LRRC4C: variants seen among roughly 807,000 people sequenced by gnomAD.
The protein encoded by LRRC4C is leucine rich repeat containing 4C.
Under a neutral mutation model 33.6 loss-of-function variants are expected in LRRC4C, and 5 were observed. The ratio of observed to expected loss-of-function variants is 0.15; its 90% CI spans 0.08 to 0.31. LRRC4C has a LOEUF of 0.31. Ranked by LOEUF, LRRC4C falls within the 10% of genes least tolerant of loss-of-function variation. The pLI is 1.00. For synonymous variants in LRRC4C, 329 were observed against 302.0 expected (o/e 1.09, Z -0.93); for missense variants, 560 against 796.7 (o/e 0.70, Z 3.58).
intron 2 of LRRC4C, among the ~76,000 whole-genome samples, chr11:40,825,961 A>G (rs1952151701): frequency 6.9e-6 from 1 of 144,978 alleles, no homozygotes; most frequent in Non-Finnish European, 1.5e-5. Context: ...CGTCTCACAT[A>G]TATTCAATGA....
intron 3 of LRRC4C, among the ~76,000 whole-genome samples, chr11:40,381,911 C>T (rs1193172787): frequency 1.4e-5 from 2 of 146,340 alleles, no homozygotes; most frequent in Admixed American, 6.9e-5. Context: ...TAAAAGAGGA[C>T]TTCAAATAAA....
At chr11:40,494,336 G>A (rs1370208430) in intron 3 of LRRC4C, among the ~76,000 whole-genome samples, 2 of 152,042 alleles carry the variant, frequency 1.3e-5, no homozygotes, top group South Asian at 4.1e-4. Context: ...CAAAGTTCAT[G>A]TTTGCCTTTT....
chr11:40,456,670 C>T (rs1429747736), intron 3 of LRRC4C, among the ~76,000 whole-genome samples: 1 of 151,950 alleles, frequency 6.6e-6, no homozygotes, highest in African/African-American at 2.4e-5. Flanking sequence ...AAATTCTCTC[C>T]AGTGTCCAAT....
chr11:41,455,646 G>A (rs1956151206), intron 1 of LRRC4C, among the ~76,000 whole-genome samples: 1 of 152,112 alleles, frequency 6.6e-6, no homozygotes, highest in Admixed American at 6.6e-5. Flanking sequence ...ATCATTTTAT[G>A]TCTTGAACAA....
intron 3 of LRRC4C, among the ~76,000 whole-genome samples, chr11:40,432,445 C>A (rs933417658): frequency 9.9e-5 from 15 of 152,132 alleles, no homozygotes; most frequent in African/African-American, 3.6e-4. Flanking sequence ...AAGAAAGAAG[C>A]CATTTCATGT....
chr11:40,158,260 G>T (rs1049118853), intron 5 of LRRC4C, among the ~76,000 whole-genome samples: 1 of 152,052 alleles, frequency 6.6e-6, no homozygotes, highest in African/African-American at 2.4e-5. Context: ...TGGGGACTTG[G>T]GGGGAAGAGT....
intron 5 of LRRC4C, among the ~76,000 whole-genome samples, chr11:40,195,518 G>A (rs948777630): frequency 6.6e-6 from 1 of 152,038 alleles, no homozygotes; most frequent in Non-Finnish European, 1.5e-5. Context: ...GCAGAGGTGG[G>A]GTCAGAGTGT....
chr11:40,545,414 A>G (rs1213780854), intron 3 of LRRC4C, among the ~76,000 whole-genome samples: 1 of 151,964 alleles, frequency 6.6e-6, no homozygotes, highest in Non-Finnish European at 1.5e-5. Flanking sequence ...TTTTTACAGA[A>G]TATGTACTAT....
Position 40,645,419 on chromosome 11 carries a change from A to T in LRRC4C, c.-270+2723T>A, listed in dbSNP as rs537044629. On this transcript the variant is annotated intron_variant, in intron 3 of 6. Transcript: ENST00000528697. ...GAGATGCTGGGTCTCGGTCAGTGCAAAGCATATATTTTCCTTTGCCACCTG... is the reference window on the plus strand; with the variant it reads ...GAGATGCTGGGTCTCGGTCAGTGCATAGCATATATTTTCCTTTGCCACCTG... Among the ~76,000 whole-genome samples the T allele has an allele frequency of 1.8e-4, 28 of 152,202 alleles. No individual in the cohort carries two copies. The South Asian group carries it at 5.6e-3, about 31-fold the overall frequency.
chr11:41,252,397 A>G (rs1948669053), intron 1 of LRRC4C, among the ~76,000 whole-genome samples: 2 of 152,166 alleles, frequency 1.3e-5, no homozygotes, highest in Non-Finnish European at 2.9e-5. Flanking sequence ...GGCAAGCTGG[A>G]AGCATATTTA....
At chr11:40,427,889 C>T (rs886252862) in intron 3 of LRRC4C, among the ~76,000 whole-genome samples, 8 of 151,910 alleles carry the variant, frequency 5.3e-5, no homozygotes, top group South Asian at 2.1e-4. Context: ...CACAAAAGCC[C>T]GAAAAATTCT....
rs558580690 is a variant in LRRC4C at position 41,238,473 on chromosome 11, T to A, written c.-496+220958A>T. ...TACTTGTATTTGCAGATGAAGATACTCAGCTTTGGAGAGGTCCAGCTACTG... is the reference window on the plus strand; with the variant it reads ...TACTTGTATTTGCAGATGAAGATACACAGCTTTGGAGAGGTCCAGCTACTG... On this transcript the variant is annotated intron_variant, in intron 1 of 6. Coordinates refer to ENST00000528697, the MANE Select transcript of LRRC4C (RefSeq NM_001258419.2). Among the ~76,000 whole-genome samples, 13 of 152,342 alleles carry A rather than the reference T, an allele frequency of 8.5e-5. No homozygotes were observed. The South Asian group carries it at 1.4e-3, about 17-fold the overall frequency.
At chr11:40,613,490 T>G (rs987171125) in intron 3 of LRRC4C, among the ~76,000 whole-genome samples, 1 of 151,864 alleles carries the variant, frequency 6.6e-6, no homozygotes, top group African/African-American at 2.4e-5. Flanking sequence ...CTGGTTCTCC[T>G]GCTCTTTCCA....
chr11:41,443,183 C>T (rs1234585746), intron 1 of LRRC4C, among the ~76,000 whole-genome samples: 1 of 135,820 alleles, frequency 7.4e-6, no homozygotes, highest in African/African-American at 2.7e-5. Flanking sequence ...AAAGAATTAA[C>T]GAAGGCTTAG....
intron 1 of LRRC4C, among the ~76,000 whole-genome samples, chr11:41,271,919 CACTT>C (rs1949333926): frequency 6.6e-6 from 1 of 152,124 alleles, no homozygotes; most frequent in Admixed American, 6.6e-5. Flanking sequence ...CATACTAACT[CACTT>C]AACTTTCACA....
intron 3 of LRRC4C, among the ~76,000 whole-genome samples, chr11:40,633,271 A>G (rs979294951): frequency 4.0e-5 from 6 of 151,144 alleles, no homozygotes; most frequent in East Asian, 1.9e-4. Flanking sequence ...AATACCTGAC[A>G]TGGGCTTTGC....
At chr11:40,461,478 G>C (rs1322893811) in intron 3 of LRRC4C, among the ~76,000 whole-genome samples, 1 of 152,012 alleles carries the variant, frequency 6.6e-6, no homozygotes, top group Non-Finnish European at 1.5e-5. Context: ...TTTCTGTGAA[G>C]ATGAAATAAG....
intron 1 of LRRC4C, among the ~76,000 whole-genome samples, chr11:41,367,153 C>T (rs780737571): frequency 6.6e-6 from 1 of 152,046 alleles, no homozygotes; most frequent in Non-Finnish European, 1.5e-5. Flanking sequence ...CTTTTGCTGG[C>T]CAGAAAAGAC....
At chr11:40,876,737 T>C (rs555791177) in intron 2 of LRRC4C, among the ~76,000 whole-genome samples, 1 of 151,812 alleles carries the variant, frequency 6.6e-6, no homozygotes, top group African/African-American at 2.4e-5. Flanking sequence ...ACCCCATCTC[T>C]ACTAAAAATA....
Sources: allele counts gnomAD v4.1 joint callset (sites outside exome capture counted in the v4.1 genomes callset), GRCh38; gene constraint gnomAD v4.1.1; transcripts MANE v1.5; gene names NCBI Gene and HGNC (gene_info 2026-07-23, HGNC 2026-07-21).